The following DIAPH2 variants were observed in gnomAD, a reference collection of about 807,000 sequenced individuals.
DIAPH2 encodes diaphanous related formin 2.
Under a neutral mutation model 92.7 loss-of-function variants are expected in DIAPH2, and 35 were observed. The ratio of observed to expected loss-of-function variants is 0.38; its 90% CI spans 0.29 to 0.50. The LOEUF (loss-of-function observed/expected upper bound fraction) is 0.50, where lower values mean the gene tolerates loss of function less well. Ranked by LOEUF, DIAPH2 falls within the 20% of genes least tolerant of loss-of-function variation. DIAPH2 has a pLI of 0.94. For missense variants in DIAPH2, 701 were observed against 819.5 expected (o/e 0.86, Z 1.77); for synonymous variants, 301 against 280.4 (o/e 1.07, Z -0.73).
At chrX:97,078,653 A>G (rs1014894712) in intron 19 of DIAPH2, among the ~76,000 whole-genome samples, 1 of 112,037 alleles carries the variant, frequency 8.9e-6, no homozygotes, top group Non-Finnish European at 1.9e-5. Flanking sequence ...AAGCACTTCT[A>G]TCATTATATC....
At chrX:97,016,513 A>G (rs771387448) in intron 17 of DIAPH2, among the ~76,000 whole-genome samples, 2 of 112,331 alleles carry the variant, frequency 1.8e-5, no homozygotes, top group East Asian at 5.6e-4. Context: ...CTGTGTCTGT[A>G]TAAAACGTTG....
chrX:97,087,409 G>C lies in DIAPH2; in HGVS notation c.2247+12148G>C, dbSNP rs181633893. Among the ~76,000 whole-genome samples the C allele has an allele frequency of 2.7e-5, 3 of 111,713 alleles. No individual in the cohort carries two copies. The East Asian group carries it at 8.5e-4, about 32-fold the overall frequency. On this transcript the variant is annotated intron_variant, in intron 19 of 26. Coordinates refer to ENST00000324765, the MANE Select transcript of DIAPH2 (RefSeq NM_006729.5). Reference sequence around the variant, plus strand: ...CTTGGGAAAAGCAAAGAAGGTGTCTGCTTTTCTTCCTTGAGTGCTATGACT... The same window carrying C: ...CTTGGGAAAAGCAAAGAAGGTGTCTCCTTTTCTTCCTTGAGTGCTATGACT...
At chrX:97,322,490 T>C (rs1405889669) in intron 23 of DIAPH2, among the ~76,000 whole-genome samples, 2 of 111,410 alleles carry the variant, frequency 1.8e-5, no homozygotes, top group African/African-American at 6.5e-5. Flanking sequence ...GGTGTATGTT[T>C]TATAACCATT....
At chrX:96,967,477 T>G (rs1490753400) in intron 17 of DIAPH2, among the ~76,000 whole-genome samples, 1 of 110,340 alleles carries the variant, frequency 9.1e-6, no homozygotes, top group Non-Finnish European at 1.9e-5. Context: ...TGGAGTGCAA[T>G]GGCGCGATCT....
chrX:97,353,381 C>T (rs1293272189), intron 24 of DIAPH2, among the ~76,000 whole-genome samples: 2 of 111,075 alleles, frequency 1.8e-5, no homozygotes, highest in East Asian at 2.8e-4. Flanking sequence ...AAAGTGTTCA[C>T]GGCAAGTATT....
chrX:97,534,752 C>T (rs1474926404), intron 26 of DIAPH2, among the ~76,000 whole-genome samples: 5 of 111,277 alleles, frequency 4.5e-5, no homozygotes, highest in African/African-American at 1.6e-4. Context: ...CTAGTTACTT[C>T]ATTAAGTCTC....
intron 5 of DIAPH2, among the ~76,000 whole-genome samples, chrX:96,882,513 A>T (rs1365450132): frequency 9.0e-6 from 1 of 111,399 alleles, no homozygotes; most frequent in African/African-American, 3.3e-5. Flanking sequence ...AACTCTACTA[A>T]TTTAGGCTAT....
intron 23 of DIAPH2, among the ~76,000 whole-genome samples, chrX:97,274,274 C>T (rs1456305213): frequency 4.5e-5 from 5 of 110,220 alleles, no homozygotes; most frequent in Admixed American, 9.8e-5. Flanking sequence ...ATTTGGGAGG[C>T]TGAGGCAGGC....
chrX:96,754,925 A>G lies in DIAPH2; in HGVS notation c.343-3229A>G, dbSNP rs1023549017. On this transcript the variant is annotated intron_variant, in intron 3 of 26. Coordinates refer to ENST00000324765, the MANE Select transcript of DIAPH2 (RefSeq NM_006729.5). ...GGCAACAGAGCAAGTCTCCACCTCA[A>G]AAAAAAAAAAAAAAAAAAAAAAAAA... Among the ~76,000 whole-genome samples, 5 of 74,500 alleles carry G rather than the reference A, an allele frequency of 6.7e-5. No homozygotes were observed. The Admixed American group carries it at 8.4e-4, about 12-fold the overall frequency. 64.7% of individuals were successfully genotyped at this position (74,500 alleles called of 115,157 possible). A position where few individuals can be genotyped will look rare whatever the true frequency, so the allele number is the denominator to read the frequency against.
At chrX:97,220,023 A>T (rs2067912013) in intron 22 of DIAPH2, among the ~76,000 whole-genome samples, 1 of 111,950 alleles carries the variant, frequency 8.9e-6, no homozygotes, top group African/African-American at 3.2e-5. Flanking sequence ...TTGTGATAGG[A>T]ATGGGGGGAT....
intron 17 of DIAPH2, among the ~76,000 whole-genome samples, chrX:97,044,677 G>T (rs1012476730): frequency 5.4e-5 from 6 of 110,794 alleles, no homozygotes; most frequent in African/African-American, 2.0e-4. Flanking sequence ...CTCAACTGGG[G>T]ATCATTTTCA....
At chrX:97,063,542 A>T (rs1331834511) in intron 17 of DIAPH2, among the ~76,000 whole-genome samples, 4 of 111,988 alleles carry the variant, frequency 3.6e-5, no homozygotes, top group Non-Finnish European at 1.9e-5. Context: ...ATGTGAGACT[A>T]TATGGGGAAT....
intron 22 of DIAPH2, among the ~76,000 whole-genome samples, chrX:97,169,313 G>A (rs2067434975): frequency 1.8e-5 from 2 of 111,424 alleles, no homozygotes; most frequent in African/African-American, 6.5e-5. Context: ...GATCACCTAG[G>A]GCCTCCTAGG....
At chrX:96,917,540 A>G (rs1351267061) in intron 8 of DIAPH2, among the ~76,000 whole-genome samples, 1 of 111,634 alleles carries the variant, frequency 9.0e-6, no homozygotes, top group African/African-American at 3.2e-5. Context: ...TGTGTAAGAA[A>G]TATTTTTTAA....
intron 17 of DIAPH2, among the ~76,000 whole-genome samples, chrX:97,062,923 A>C: frequency 9.4e-6 from 1 of 106,142 alleles, no homozygotes; most frequent in Non-Finnish European, 1.9e-5. Flanking sequence ...AATCCCAGCT[A>C]CTCGGGAGGC....
chrX:96,714,265 G>GT (rs756277085), intron 1 of DIAPH2, among the ~76,000 whole-genome samples: 1,177 of 87,677 alleles, frequency 0.013, 10 homozygotes, highest in Non-Finnish European at 0.017. Flanking sequence ...TTGTGTGTGT[G>GT]TTTTTTTTTT....
chrX:97,338,613 T>C (rs758480544), intron 23 of DIAPH2, among the ~76,000 whole-genome samples: 38 of 112,352 alleles, frequency 3.4e-4, no homozygotes. Context: ...GATTTTTCCA[T>C]GTTCTTCAAC....
chrX:96,980,699 T>C (rs2065990643), intron 17 of DIAPH2, among the ~76,000 whole-genome samples: 1 of 110,669 alleles, frequency 9.0e-6, no homozygotes, highest in South Asian at 3.9e-4. Context: ...TATATATCTA[T>C]GTATATGTAT....
At chrX:96,991,537 G>GTT (rs760118984) in intron 17 of DIAPH2, among the ~76,000 whole-genome samples, 18 of 56,820 alleles carry the variant, frequency 3.2e-4, no homozygotes, top group Non-Finnish European at 3.4e-4. Flanking sequence ...CTGTTTTATG[G>GTT]TGTTTTTTTT....
Sources: gnomAD v4.1 joint callset for allele counts (sites outside exome capture counted in the v4.1 genomes callset) on GRCh38, gnomAD v4.1.1 for gene constraint, MANE v1.5 for transcripts, NCBI Gene and HGNC (gene_info 2026-07-23, HGNC 2026-07-21) for gene names.